NLN: variants seen among roughly 807,000 people sequenced by gnomAD.
NLN encodes neurolysin.
Under a neutral mutation model 79.9 loss-of-function variants are expected in NLN, and 64 were observed. The observed-to-expected ratio is 0.80, with a 90% CI of 0.65 to 0.99. The LOEUF (loss-of-function observed/expected upper bound fraction) is 0.99, where lower values mean the gene tolerates loss of function less well. Among genes scored for constraint, NLN ranks in the 50% least tolerant of loss-of-function variants. NLN has a pLI of 0.00. For missense variants in NLN, 835 were observed against 858.7 expected (o/e 0.97, Z 0.34); for synonymous variants, 267 against 296.6 (o/e 0.90, Z 1.02).
chr5:65,746,240 G>C (rs1758976610), intron 1 of NLN, among the ~76,000 whole-genome samples: 1 of 152,058 alleles, frequency 6.6e-6, no homozygotes, highest in African/African-American at 2.4e-5. Context: ...CCTAAAAAAA[G>C]ACAACTGATG....
chr5:65,753,671 A>C (rs1285041221), intron 1 of NLN, among the ~76,000 whole-genome samples: 1 of 151,944 alleles, frequency 6.6e-6, no homozygotes. Context: ...AAAAACCTGA[A>C]TATTAATGAT....
intron 9 of NLN, among the ~76,000 whole-genome samples, chr5:65,805,597 G>A (rs1476546169): frequency 6.6e-6 from 1 of 152,262 alleles, no homozygotes; most frequent in Non-Finnish European, 1.5e-5. Context: ...AGCTGCAGAA[G>A]AAAAGTTGGA....
chr5:65,803,872 G>C (rs1054654033), intron 9 of NLN, among the ~76,000 whole-genome samples: 2 of 152,206 alleles, frequency 1.3e-5, no homozygotes, highest in East Asian at 3.8e-4. Context: ...CCCCAGCCAC[G>C]CTTCCCCCAC....
In NLN at chr5:65,814,865, A is replaced by G. The variant is rs553581304; in HGVS notation, c.1980+2474A>G. On this transcript the variant is annotated intron_variant, in intron 12 of 12. Transcript: ENST00000380985. ...AACTATTACCAAGTGAAAAAACATC[A>G]TATTATAAAATATTTTATACCATAC... Among the ~76,000 whole-genome samples the G allele has an allele frequency of 4.6e-5, 7 of 152,316 alleles. No individual in the cohort carries two copies. The South Asian group carries it at 1.0e-3, about 23-fold the overall frequency.
At chr5:65,804,588 G>A (rs1760366369) in intron 9 of NLN, among the ~76,000 whole-genome samples, 1 of 152,116 alleles carries the variant, frequency 6.6e-6, no homozygotes, top group Non-Finnish European at 1.5e-5. Context: ...GGAGTCCAGT[G>A]GTGCAGTCTC....
chr5:65,738,069 C>G (rs951297613), intron 1 of NLN, among the ~76,000 whole-genome samples: 1 of 150,328 alleles, frequency 6.7e-6, no homozygotes, highest in African/African-American at 2.5e-5. Context: ...GCGGAGGTTG[C>G]AGTGAGCCAA....
chr5:65,730,147 A>G (rs1466456649), intron 1 of NLN, among the ~76,000 whole-genome samples: 2 of 152,248 alleles, frequency 1.3e-5, no homozygotes, highest in African/African-American at 4.8e-5. Flanking sequence ...CTTTGCATTA[A>G]TGGAACTTAC....
chr5:65,773,232 A>G (rs750408136), intron 3 of NLN, among the ~76,000 whole-genome samples: 2 of 150,580 alleles, frequency 1.3e-5, no homozygotes, highest in African/African-American at 4.9e-5. Flanking sequence ...CCTGGGCCCA[A>G]GCAATCCTCC....
chr5:65,804,465 C>T lies in NLN; in HGVS notation c.1528-5050C>T, dbSNP rs147280105. 3.9e-5 allele frequency among the ~76,000 whole-genome samples: 6 copies of T among 152,280 alleles called. No homozygotes were observed. The East Asian group carries it at 9.6e-4, about 24-fold the overall frequency. ...CATGCTTTAAACAAGTGTGTTAGTG[C>T]TGTTTTTCCAACAGCATGTGCTTAC... On this transcript the variant is annotated intron_variant, in intron 9 of 12. Coordinates refer to ENST00000380985, the MANE Select transcript of NLN (RefSeq NM_020726.5).
intron 8 of NLN, 58 bp downstream of exon 8, chr5:65,788,542 GA>G: frequency 6.5e-7 from 1 of 1,538,762 alleles, no homozygotes; most frequent in Non-Finnish European, 8.9e-7. Context: ...CCTACTTTAA[GA>G]CTCTACTCTT....
At chr5:65,731,000 A>G (rs368690300) in intron 1 of NLN, among the ~76,000 whole-genome samples, 1 of 152,220 alleles carries the variant, frequency 6.6e-6, no homozygotes, top group East Asian at 1.9e-4. Context: ...ACAAATCTAG[A>G]TTTTGGCTGG....
At chr5:65,781,218 AAT>A in intron 5 of NLN, 41 bp from the exon 6 acceptor site, 1 of 1,377,254 alleles carries the variant, frequency 7.3e-7, no homozygotes, top group Non-Finnish European at 1.0e-6. Context: ...ATAAACCAGC[AAT>A]GAGTGGAAAA....
intron 3 of NLN, among the ~76,000 whole-genome samples, chr5:65,768,934 C>CA (rs1759509921): frequency 6.6e-6 from 1 of 152,250 alleles, no homozygotes; most frequent in African/African-American, 2.4e-5. Context: ...AGGGCTTCTA[C>CA]AAAAGAACTT....
intron 12 of NLN, among the ~76,000 whole-genome samples, chr5:65,820,660 T>A (rs980479199): frequency 6.6e-6 from 1 of 152,160 alleles, no homozygotes. Context: ...CATTTTAGAT[T>A]CTAGATTGCT....
chr5:65,801,765 G>A (rs547886236), intron 9 of NLN, among the ~76,000 whole-genome samples: 7 of 152,156 alleles, frequency 4.6e-5, no homozygotes, highest in African/African-American at 1.7e-4. Flanking sequence ...GACATTAACT[G>A]TGTTCTTATT....
rs370873851 is a variant in NLN at position 65,788,466 on chromosome 5, A to G, written c.1307A>G (p.Tyr436Cys). The change falls in exon 8 of 13, where the codon TAT (tyrosine) becomes TGT (cysteine). Residue 436 changes from tyrosine to cysteine, a missense_variant. Physicochemically the swap from Tyr to Cys is radical, Grantham distance 194. Coordinates refer to ENST00000380985, the MANE Select transcript of NLN (RefSeq NM_020726.5). Reference sequence around the variant, plus strand: ...ACAGGAGAAGTATTGGGACAGTTCTATTTGGACCTCTATCCAAGGTACTGA... The same window carrying G: ...ACAGGAGAAGTATTGGGACAGTTCTGTTTGGACCTCTATCCAAGGTACTGA... ...KATGEVLGQF[Y>C]LDLYPREGKY... The G allele has an allele frequency of 1.9e-6, 3 of 1,613,600 alleles. No individual in the cohort carries two copies. The highest frequency in any genetic ancestry group is 2.7e-5 in the African/African-American group (2 of 75,028).
intron 1 of NLN, chr5:65,733,338 C>T (rs1199400674): frequency 6.6e-7 from 1 of 1,511,026 alleles, no homozygotes; most frequent in East Asian, 2.3e-5. Context: ...CAGGCTCCTC[C>T]TGCCTGCCCT....
In NLN at chr5:65,822,909, T is replaced by G; in HGVS notation, c.2109T>G (p.Ala703=). Residue 703 remains alanine (A), a synonymous_variant, in exon 13 of 13, where the codon GCT becomes GCG. Coordinates refer to ENST00000380985, the MANE Select transcript of NLN (RefSeq NM_020726.5). ...KAFLMSRGLH[A]P is the part of the protein sequence containing the mutation. ...TCCTAATGAGTAGAGGCCTGCATGC[T>G]CCGTGAACTGGGGATCTTTGGTAGC... The G allele has an allele frequency of 1.9e-6, 3 of 1,613,102 alleles. No homozygotes were observed. Among genetic ancestry groups the G allele is most frequent in the Non-Finnish European group, 8.5e-7 (1 of 1,179,210 alleles).
At chr5:65,736,158 T>C (rs1758723478) in intron 1 of NLN, among the ~76,000 whole-genome samples, 4 of 152,218 alleles carry the variant, frequency 2.6e-5, no homozygotes. Flanking sequence ...AATTTTGTAA[T>C]TGCTGTCCTC....
Sources: allele counts gnomAD v4.1 joint callset (sites outside exome capture counted in the v4.1 genomes callset), GRCh38; gene constraint gnomAD v4.1.1; transcripts MANE v1.5; gene names NCBI Gene and HGNC (gene_info 2026-07-23, HGNC 2026-07-21).